ANAPC10: variants seen among roughly 807,000 people sequenced by gnomAD.
ANAPC10 encodes anaphase promoting complex subunit 10.
ANAPC10 carries 12 observed loss-of-function variants against 22.0 expected under a neutral mutation model. The observed-to-expected ratio is 0.55, with a 90% CI of 0.35 to 0.88. The LOEUF is 0.88. Among genes scored for constraint, ANAPC10 ranks in the 40% least tolerant of loss-of-function variants. The pLI is 0.01. For missense variants in ANAPC10, 188 were observed against 220.9 expected, an observed-to-expected ratio of 0.85 and a Z score of 0.94; for synonymous variants, 65 against 69.5, an observed-to-expected ratio of 0.94 and a Z score of 0.32.
chr4:144,995,449 G>T lies in ANAPC10; in HGVS notation c.482C>A (p.Pro161Gln), dbSNP rs1215490567. 3 of 1,613,572 alleles carry T rather than the reference G, an allele frequency of 1.9e-6. No individual in the cohort carries two copies. Among genetic ancestry groups the T allele is most frequent in the Non-Finnish European group, 2.5e-6 (3 of 1,179,670 alleles). Reference protein sequence around the residue: ...THMRQIKIYTPVEESSIGKFP... With the variant: ...THMRQIKIYTQVEESSIGKFP... ...TTTACCAATGGAGCTCTCTTCTACTGGTGTGTATATTTTAATTTGTCTCAT... is the reference window on the plus strand; with the variant it reads ...TTTACCAATGGAGCTCTCTTCTACTTGTGTGTATATTTTAATTTGTCTCAT... The change falls in exon 5 of 5, where the codon CCA becomes CAA. Residue 161 changes from proline (P) to glutamine (Q), a missense_variant. Transcript: ENST00000507656.
In ANAPC10 at chr4:145,005,730, C is replaced by A. The variant is rs113847958; in HGVS notation, c.328-10127G>T. On this transcript the variant is annotated intron_variant, in intron 4 of 4. Coordinates refer to ENST00000507656, the MANE Select transcript of ANAPC10 (RefSeq NM_001256706.2). Reference sequence around the variant, plus strand: ...ATTTCATGTGTACCCAGAAGTCACTCGAAGCAGGCTGTTTCATTTCCATGT... The same window carrying A: ...ATTTCATGTGTACCCAGAAGTCACTAGAAGCAGGCTGTTTCATTTCCATGT... Among the ~76,000 whole-genome samples, 855 of 152,208 alleles carry A rather than the reference C, an allele frequency of 5.6e-3. 2 individuals carry two copies. Among genetic ancestry groups the A allele is most frequent in the Middle Eastern group, 0.017 (5 of 294 alleles).
intron 3 of ANAPC10, among the ~76,000 whole-genome samples, chr4:145,072,877 C>T (rs1156740035): frequency 2.0e-5 from 3 of 151,654 alleles, no homozygotes; most frequent in African/African-American, 7.3e-5. Context: ...TGTGATTAAG[C>T]CTAGTATCTA....
At chr4:145,043,159 T>C (rs757643054) in intron 4 of ANAPC10, among the ~76,000 whole-genome samples, 7 of 151,626 alleles carry the variant, frequency 4.6e-5, no homozygotes, top group Non-Finnish European at 8.8e-5. Flanking sequence ...TAAAGCAAAA[T>C]GCTTAAGATG....
At chr4:145,050,000 T>C (rs1369552136) in intron 4 of ANAPC10, among the ~76,000 whole-genome samples, 1 of 152,230 alleles carries the variant, frequency 6.6e-6, no homozygotes, top group Non-Finnish European at 1.5e-5. Context: ...AATGTTCATA[T>C]TTTGACCTTT....
chr4:145,038,911 G>A (rs1171742263), intron 4 of ANAPC10, among the ~76,000 whole-genome samples: 1 of 35,066 alleles, frequency 2.9e-5, no homozygotes, highest in Non-Finnish European at 5.3e-5. Flanking sequence ...TTCTGATGAC[G>A]AGACATCACT....
intron 4 of ANAPC10, among the ~76,000 whole-genome samples, chr4:145,022,185 T>C (rs1399160547): frequency 6.6e-6 from 1 of 152,136 alleles, no homozygotes; most frequent in Non-Finnish European, 1.5e-5. Flanking sequence ...GAAGTCATTA[T>C]ATGAAAAAGA....
Position 145,023,673 on chromosome 4 carries a change from A to G in ANAPC10, c.328-28070T>C, listed in dbSNP as rs544658516. On this transcript the variant is annotated intron_variant, in intron 4 of 4. Coordinates refer to ENST00000507656, the MANE Select transcript of ANAPC10 (RefSeq NM_001256706.2). ...ATTACATCTAAGAAAACAATTTAAG[A>G]ATGTTTTACTGCTAAAAAGTGCTAA... 5.9e-5 allele frequency among the ~76,000 whole-genome samples: 9 copies of G among 152,256 alleles called. No homozygotes were observed. In the East Asian group the frequency reaches 1.7e-3, roughly 29 times the overall value.
At chr4:145,005,957 A>G (rs529037980) in intron 4 of ANAPC10, among the ~76,000 whole-genome samples, 1 of 152,264 alleles carries the variant, frequency 6.6e-6, no homozygotes, top group East Asian at 1.9e-4. Context: ...AGTTCTGTAG[A>G]TATCTATTAG....
At chr4:145,054,556 C>CA (rs1283371321) in intron 4 of ANAPC10, among the ~76,000 whole-genome samples, 838 of 68,246 alleles carry the variant, frequency 0.012, 8 homozygotes, top group African/African-American at 0.035. Context: ...GACTCTATCT[C>CA]AAAAAAAAAA....
At chr4:145,082,095 C>G (rs929832704) in intron 2 of ANAPC10, among the ~76,000 whole-genome samples, 1 of 152,144 alleles carries the variant, frequency 6.6e-6, no homozygotes, top group East Asian at 1.9e-4. Flanking sequence ...ACATACAAAC[C>G]CTATATTAGG....
intron 3 of ANAPC10, among the ~76,000 whole-genome samples, chr4:145,075,205 C>G (rs1745025616): frequency 1.3e-5 from 2 of 152,148 alleles, no homozygotes; most frequent in African/African-American, 4.8e-5. Context: ...AAACTAAACT[C>G]ACTGTCAACT....
At chr4:145,053,671 C>T (rs1369665647) in intron 4 of ANAPC10, 1 of 515,532 alleles carries the variant, frequency 1.9e-6, no homozygotes, top group Non-Finnish European at 3.5e-6. Context: ...GAAATGGACA[C>T]AGAAAAGTAT....
At chr4:145,065,748 T>C (rs1743582394) in intron 3 of ANAPC10, among the ~76,000 whole-genome samples, 1 of 151,912 alleles carries the variant, frequency 6.6e-6, no homozygotes, top group African/African-American at 2.4e-5. Context: ...AGAAAAAAGA[T>C]TATAAAACAA....
At chr4:145,037,599 A>G (rs1458256713) in intron 4 of ANAPC10, among the ~76,000 whole-genome samples, 1 of 152,158 alleles carries the variant, frequency 6.6e-6, no homozygotes, top group East Asian at 1.9e-4. Context: ...AGTCACTATA[A>G]AACACTTTTT....
chr4:145,006,837 C>T (rs1165101806), intron 4 of ANAPC10, among the ~76,000 whole-genome samples: 2 of 151,814 alleles, frequency 1.3e-5, no homozygotes, highest in Non-Finnish European at 2.9e-5. Context: ...TTCAGGTATT[C>T]CTCCCACCTC....
At chr4:145,070,118 A>C (rs956606212) in intron 3 of ANAPC10, among the ~76,000 whole-genome samples, 1 of 152,224 alleles carries the variant, frequency 6.6e-6, no homozygotes, top group African/African-American at 2.4e-5. Context: ...TGAGACTAAA[A>C]AGTTTAAGAA....
chr4:145,050,651 T>C (rs923018347), intron 4 of ANAPC10, among the ~76,000 whole-genome samples: 2 of 152,258 alleles, frequency 1.3e-5, no homozygotes, highest in African/African-American at 4.8e-5. Context: ...GGTAACTTCC[T>C]ACAGCTCCTC....
In ANAPC10 at chr4:144,999,768, A is replaced by G. The variant is rs1732219021; in HGVS notation, c.328-4165T>C. Among the ~76,000 whole-genome samples, 5 of 152,190 alleles carry G rather than the reference A, an allele frequency of 3.3e-5. No individual in the cohort carries two copies. The South Asian group carries it at 1.0e-3, about 32-fold the overall frequency. ...AAGACAATCCTACGCAAAAAGAACA[A>G]AGTTGGAGGCATCATGCTACCTCAC... On this transcript the variant is annotated intron_variant, in intron 4 of 4. Coordinates refer to ENST00000507656, the MANE Select transcript of ANAPC10 (RefSeq NM_001256706.2).
In ANAPC10 at chr4:145,041,381, TTTAAC is replaced by T. The variant is rs1156937692; in HGVS notation, c.327+23186_327+23190del. 3.9e-5 allele frequency among the ~76,000 whole-genome samples: 6 copies of T among 152,220 alleles called. No homozygotes were observed. In the South Asian group the frequency reaches 8.3e-4, roughly 21 times the overall value. ...ATAATCATCATTTTGAGAAAAATGT[TTTAAC>T]TTGTTTCCAAAAATGATAATCATTG... is the stretch of plus-strand genomic sequence containing the variant. On this transcript the variant is annotated intron_variant, in intron 4 of 4. Transcript: ENST00000507656.
Sources: gnomAD v4.1 joint callset for allele counts (sites outside exome capture counted in the v4.1 genomes callset) on GRCh38, gnomAD v4.1.1 for gene constraint, MANE v1.5 for transcripts, NCBI Gene and HGNC (gene_info 2026-07-23, HGNC 2026-07-21) for gene names.